USP2: variants seen among roughly 807,000 people sequenced by gnomAD.
USP2 encodes the protein ubiquitin specific peptidase 2.
In USP2, 33 loss-of-function variants were observed where a neutral mutation model predicts 72.0. The ratio of observed to expected loss-of-function variants is 0.46; its 90% CI spans 0.35 to 0.61. The LOEUF is 0.61. USP2 is among the 20% of genes least tolerant of loss of function. The pLI is 0.01. For missense variants in USP2, 691 were observed against 797.8 expected (o/e 0.87, Z 1.61); for synonymous variants, 296 against 312.5 (o/e 0.95, Z 0.56).
chr11:119,359,030 T>C lies in USP2; in HGVS notation c.1166A>G (p.His389Arg). Residue 389 changes from histidine (H) to arginine (R), a missense_variant, in exon 6 of 13, where the codon CAT (histidine) becomes CGT (arginine). Physicochemically the swap from His to Arg is conservative, Grantham distance 29. Coordinates refer to ENST00000260187, the MANE Select transcript of USP2 (RefSeq NM_004205.5). Reference protein sequence around the residue: ...RPKSNPENLDHLPDDEKGRQM... With the variant: ...RPKSNPENLDRLPDDEKGRQM... ...GCATTCTCCTCTTACTTACGGAAGA[T>C]GATCGAGGTTCTCAGGGTTGGACTT... 1 of 1,614,066 alleles carries C rather than the reference T, an allele frequency of 6.2e-7. No individual in the cohort carries two copies. The highest frequency in any genetic ancestry group is 8.5e-7 in the Non-Finnish European group (1 of 1,180,008).
intron 2 of USP2, among the ~76,000 whole-genome samples, chr11:119,366,566 G>T (rs1223897903): frequency 6.6e-6 from 1 of 151,998 alleles, no homozygotes; most frequent in Non-Finnish European, 1.5e-5. Flanking sequence ...TCTTGGTTTT[G>T]CCAGCACACT....
intron 1 of USP2, among the ~76,000 whole-genome samples, chr11:119,381,154 G>A (rs952480839): frequency 6.6e-6 from 1 of 152,150 alleles, no homozygotes; most frequent in Non-Finnish European, 1.5e-5. Context: ...CGCACACGTG[G>A]GGAGGGGGTT....
At position 119,357,259 on chromosome 11, in the gene USP2, G is replaced by A; in HGVS notation, c.1658C>T (p.Thr553Ile). ...GTAGGCTGTATAGTGGCCACCCATG[G>A]TGGTTCCGGAGTGATTGGACACAGC... ...LYAVSNHSGT[T>I]MGGHYTAYCR... Residue 553 changes from threonine (T) to isoleucine (I), a missense_variant, in exon 12 of 13, where the codon ACC (threonine) becomes ATC (isoleucine). Thr to Ile is a moderately conservative substitution (Grantham distance 89). Transcript: ENST00000260187. The A allele has an allele frequency of 1.2e-6, 2 of 1,613,758 alleles. No homozygotes were observed. Among genetic ancestry groups the A allele is most frequent in the Non-Finnish European group, 1.7e-6 (2 of 1,179,954 alleles).
chr11:119,363,954 G>A (rs201288742), intron 2 of USP2: 33 of 1,277,188 alleles, frequency 2.6e-5, no homozygotes, highest in East Asian at 2.5e-4. Flanking sequence ...AGGGGGCGGC[G>A]GGGGGGTCCT....
rs1411020376 is a variant in USP2 at position 119,373,278 on chromosome 11, G to A, written c.203C>T (p.Pro68Leu). The change falls in exon 2 of 13, where the codon CCC becomes CTC. Residue 68 changes from proline to leucine, a missense_variant. Transcript: ENST00000260187. Reference sequence around the variant, plus strand: ...CCGGTCATAGTCCAGGAGGGAGGAGGGGCCATAGGTACGGGGACGGGTGAG... The same window carrying A: ...CCGGTCATAGTCCAGGAGGGAGGAGAGGCCATAGGTACGGGGACGGGTGAG... ...SFLTRPRTYG[P>L]SSLLDYDRGR... 1 of 1,613,944 alleles carries A rather than the reference G, an allele frequency of 6.2e-7. No homozygotes were observed. Among genetic ancestry groups the A allele is most frequent in the Non-Finnish European group, 8.5e-7 (1 of 1,179,902 alleles).
At position 119,356,852 on chromosome 11, in the gene USP2, G is replaced by C; in HGVS notation, c.1801C>G (p.Pro601Ala). The C allele has an allele frequency of 6.4e-7, 1 of 1,565,452 alleles. No homozygotes were observed. Among genetic ancestry groups the C allele is most frequent in the East Asian group, 2.3e-5 (1 of 42,844 alleles). The change falls in exon 13 of 13, where the codon CCG becomes GCG. Residue 601 changes from proline to alanine, a missense_variant. Physicochemically the swap from Pro to Ala is conservative, Grantham distance 27. Transcript: ENST00000260187. The part of the protein sequence containing the change: ...AYLLFYELAS[P>A]PSRM ...TCCTGGCGCTACATTCGGGAGGGCG[G>C]GCTGGCCAGTTCGTAGAAGAGCAGG...
chr11:119,357,666 GT>G, intron 10 of USP2, 76 bp from the exon 11 acceptor site: 2 of 1,613,356 alleles, frequency 1.2e-6, no homozygotes, highest in Non-Finnish European at 1.7e-6. Context: ...TACAAGGTCC[GT>G]TTCTTCCGAC....
intron 1 of USP2, chr11:119,379,281 AG>A (rs1421565204): frequency 1.0e-6 from 1 of 978,858 alleles, no homozygotes; most frequent in African/African-American, 1.8e-5. Flanking sequence ...CCAGCCAAGG[AG>A]GTCTGTGAGG....
chr11:119,367,543 CCTT>C (rs1950871245), intron 2 of USP2, among the ~76,000 whole-genome samples: 1 of 152,152 alleles, frequency 6.6e-6, no homozygotes, highest in Non-Finnish European at 1.5e-5. Context: ...GGCTCTGAGT[CCTT>C]GTTAGGGGTT....
At chr11:119,358,983 A>G in intron 6 of USP2, 41 bp downstream of exon 6, 1 of 1,607,370 alleles carries the variant, frequency 6.2e-7, no homozygotes, top group Non-Finnish European at 8.5e-7. Flanking sequence ...TCTCGAGTTC[A>G]CAAAAGTTTT....
chr11:119,376,854 A>G (rs1298307536), intron 1 of USP2, among the ~76,000 whole-genome samples: 1 of 152,260 alleles, frequency 6.6e-6, no homozygotes, highest in African/African-American at 2.4e-5. Flanking sequence ...GGCCCTTGCC[A>G]TGTGACGCAT....
intron 2 of USP2, among the ~76,000 whole-genome samples, chr11:119,369,790 C>T (rs568935014): frequency 4.0e-4 from 61 of 152,298 alleles, no homozygotes; most frequent in African/African-American, 1.2e-3. Context: ...CCACTGGTCA[C>T]GAGCAGCCCG....
At chr11:119,363,447 C>T (rs772577126) in intron 2 of USP2, among the ~76,000 whole-genome samples, 1 of 152,274 alleles carries the variant, frequency 6.6e-6, no homozygotes, top group Non-Finnish European at 1.5e-5. Flanking sequence ...CCCCTTTCTG[C>T]CCAGCCTTCC....
intron 10 of USP2, 55 bp from the exon 11 acceptor site, chr11:119,357,645 A>C: frequency 6.2e-7 from 1 of 1,613,716 alleles, no homozygotes; most frequent in East Asian, 2.2e-5. Flanking sequence ...GCAGACAACA[A>C]AAGGAAAGCC....
rs1304027291 is a variant in USP2, at chr11:119,356,060, A to AG, written c.*774_*775insC. 6.6e-6 allele frequency: 1 copy of AG among 150,808 alleles called. No homozygotes were observed. The highest frequency in any genetic ancestry group is 2.4e-5 in the African/African-American group (1 of 40,988). The allele number at this position is 150,808 out of a possible 1,614,324, so 9.3% of individuals were successfully genotyped here. On this transcript the variant is annotated 3_prime_UTR_variant, in exon 13 of 13. Transcript: ENST00000260187. ...CATTCAAAACATTAAAAAAAAAAAA[A>AG]AAAAACCCAAACCCCCAAAACAGAA...
At chr11:119,378,875 G>A in intron 1 of USP2, 1 of 561,286 alleles carries the variant, frequency 1.8e-6, no homozygotes, top group African/African-American at 2.0e-5. Flanking sequence ...CTCCGGAGGA[G>A]CCTTTGGTCT....
intron 7 of USP2, among the ~76,000 whole-genome samples, chr11:119,358,467 C>A (rs1490813863): frequency 2.0e-5 from 3 of 152,194 alleles, no homozygotes; most frequent in African/African-American, 4.8e-5. Flanking sequence ...AGGTGCCCAC[C>A]ACCATGCCTG....
chr11:119,356,588 C>A lies in USP2; in HGVS notation c.*247G>T, dbSNP rs1950655558. 1 of 516,934 alleles carries A rather than the reference C, an allele frequency of 1.9e-6. No individual in the cohort carries two copies. The highest frequency in any genetic ancestry group is 3.4e-6 in the Non-Finnish European group (1 of 294,604). The allele number at this position is 516,934 out of a possible 1,614,324, so 32.0% of individuals were successfully genotyped here. ...AAGACCACAAGTTTACAAATGCAAA[C>A]GCCGAGGGCACGGGGCGATGCTGGC... On this transcript the variant is annotated 3_prime_UTR_variant, in exon 13 of 13. Transcript: ENST00000260187.
In USP2 at chr11:119,356,886, G is replaced by A. The variant is rs763278460; in HGVS notation, c.1767C>T (p.Ser589=). Residue 589 remains serine, a synonymous_variant, in exon 13 of 13, where the codon AGC becomes AGT. Transcript: ENST00000260187. ...GTTCGTAGAAGAGCAGGTAGGCGTCGCTGGTGCGCACTTGGCTGGAGGACA... is the reference window on the plus strand; with the variant it reads ...GTTCGTAGAAGAGCAGGTAGGCGTCACTGGTGCGCACTTGGCTGGAGGACA... ...TPMSSSQVRT[S]DAYLLFYELA... is the part of the protein sequence containing the mutation. 2.6e-6 allele frequency: 4 copies of A among 1,564,896 alleles called. No individual in the cohort carries two copies. In the Admixed American group the frequency reaches 5.8e-5, roughly 23 times the overall value.
Sources: allele counts gnomAD v4.1 joint callset (sites outside exome capture counted in the v4.1 genomes callset), GRCh38; gene constraint gnomAD v4.1.1; transcripts MANE v1.5; gene names NCBI Gene and HGNC (gene_info 2026-07-23, HGNC 2026-07-21).